MTMR14: variants seen among roughly 807,000 people sequenced by gnomAD.
MTMR14 encodes myotubularin related protein 14, also known as phosphatidylinositol-3,5-bisphosphate 3-phosphatase MTMR14.
MTMR14 carries 48 observed loss-of-function variants against 86.3 expected under a neutral mutation model. The ratio of observed to expected loss-of-function variants is 0.56; its 90% confidence interval spans 0.44 to 0.71. The LOEUF (loss-of-function observed/expected upper bound fraction) is 0.71, where lower values mean the gene tolerates loss of function less well. MTMR14 is among the 30% of genes least tolerant of loss of function. The pLI is 0.00. For synonymous variants in MTMR14, 366 were observed against 326.1 expected (o/e 1.12, Z -1.32); for missense variants, 780 against 834.6 (o/e 0.93, Z 0.81).
At chr3:9,670,184 C>G (rs2048491219) in intron 5 of MTMR14, among the ~76,000 whole-genome samples, 1 of 152,246 alleles carries the variant, frequency 6.6e-6, no homozygotes, top group Non-Finnish European at 1.5e-5. Context: ...CACACAAGCA[C>G]CCTAGTTAAG....
chr3:9,700,444 A>T (rs568200341), intron 18 of MTMR14: 3 of 152,304 alleles, frequency 2.0e-5, no homozygotes, highest in African/African-American at 7.2e-5. Context: ...CTCTTCTATT[A>T]AAGGCCCTTG....
Position 9,649,758 on chromosome 3 carries a change from C to T in MTMR14, c.159+16C>T. 1.2e-6 allele frequency: 2 copies of T among 1,612,828 alleles called. No homozygotes were observed. Among genetic ancestry groups the T allele is most frequent in the Non-Finnish European group, 1.7e-6 (2 of 1,179,638 alleles). On this transcript the variant is annotated intron_variant, in intron 1 of 18. Transcript: ENST00000296003. The stretch of plus-strand genomic sequence containing the variant: ...CGGCTCTAAGGTGAGATTGGAGGTG[C>T]GATGAGCTGGGGAAGGCTCCTAACT...
At position 9,685,257 on chromosome 3, in the gene MTMR14, C is replaced by T. The variant is rs1391787895; in HGVS notation, c.1164+10C>T. 6.2e-6 allele frequency: 10 copies of T among 1,613,792 alleles called. No individual in the cohort carries two copies. Among genetic ancestry groups the T allele is most frequent in the Non-Finnish European group, 8.5e-6 (10 of 1,179,964 alleles). On this transcript the variant is annotated intron_variant, in intron 13 of 18. Coordinates refer to ENST00000296003, the MANE Select transcript of MTMR14 (RefSeq NM_001077525.3). Reference sequence around the variant, plus strand: ...CAGCAAAGGGGAGGAGGTGAGTATACCACCTACGACTTGTGGGCACAGCTC... The same window carrying T: ...CAGCAAAGGGGAGGAGGTGAGTATATCACCTACGACTTGTGGGCACAGCTC...
rs2076456830 is a variant in MTMR14, at chr3:9,701,519, C to T, written c.1770-271C>T. 8.0e-6 allele frequency: 4 copies of T among 500,710 alleles called. No individual in the cohort carries two copies. Among genetic ancestry groups the T allele is most frequent in the Non-Finnish European group, 1.4e-5 (4 of 278,292 alleles). 31.0% of individuals were successfully genotyped at this position (500,710 alleles called of 1,614,324 possible). A position where few individuals can be genotyped will look rare whatever the true frequency, so the allele number is the denominator to read the frequency against. Reference sequence around the variant, plus strand: ...CCTGGGCAATAGAGTGAGACCTTGTCTCAAGAAAAAAAAAAAAAAGGTTAG... The same window carrying T: ...CCTGGGCAATAGAGTGAGACCTTGTTTCAAGAAAAAAAAAAAAAAGGTTAG... On this transcript the variant is annotated intron_variant, in intron 18 of 18. Transcript: ENST00000296003. This position sits in a 1 kb window ranked among gnomAD's most constrained non-coding sequence, Gnocchi z 4.2.
chr3:9,687,988 C>A, intron 14 of MTMR14, 97 bp downstream of exon 14: 1 of 1,053,886 alleles, frequency 9.5e-7, no homozygotes, highest in Non-Finnish European at 1.4e-6. Context: ...TCCCGCCCTG[C>A]CTCCCTGCTT....
intron 17 of MTMR14, among the ~76,000 whole-genome samples, chr3:9,695,058 G>A (rs529000237): frequency 2.0e-5 from 3 of 152,194 alleles, no homozygotes; most frequent in Non-Finnish European, 4.4e-5. Flanking sequence ...GAGAGCAGAG[G>A]GGGTGGAGCT....
chr3:9,649,802 AG>A (rs2047173599), intron 1 of MTMR14, 60 bp downstream of exon 1: 1 of 1,602,632 alleles, frequency 6.2e-7, no homozygotes, highest in Non-Finnish European at 8.5e-7. Flanking sequence ...TACAGAGGAA[AG>A]GCTGAGGCCA....
intron 17 of MTMR14, among the ~76,000 whole-genome samples, chr3:9,695,216 C>T (rs896792911): frequency 6.6e-6 from 1 of 152,202 alleles, no homozygotes; most frequent in Non-Finnish European, 1.5e-5. Context: ...ACATGATGCA[C>T]TGTAGGTGTC....
chr3:9,689,667 A>AG (rs900809017), intron 16 of MTMR14, among the ~76,000 whole-genome samples: 11 of 152,188 alleles, frequency 7.2e-5, no homozygotes, highest in Non-Finnish European at 1.6e-4. Flanking sequence ...CGTCTTTTAG[A>AG]GGGGGAAAAA....
intron 17 of MTMR14, among the ~76,000 whole-genome samples, chr3:9,693,332 G>T (rs1396552519): frequency 2.6e-5 from 4 of 152,354 alleles, no homozygotes; most frequent in African/African-American, 9.6e-5. Flanking sequence ...GCATATGGGA[G>T]GATGTGCATA....
chr3:9,655,548 C>T (rs188554676), intron 2 of MTMR14, among the ~76,000 whole-genome samples: 5,130 of 140,352 alleles, frequency 0.037, 338 homozygotes, highest in African/African-American at 0.13. Flanking sequence ...GCAACCTCTG[C>T]CTCCCGGGTT....
chr3:9,654,789 T>C (rs1225751821), intron 2 of MTMR14, among the ~76,000 whole-genome samples: 1 of 152,194 alleles, frequency 6.6e-6, no homozygotes, highest in Non-Finnish European at 1.5e-5. Context: ...AAGCTCATGC[T>C]CCAGAGCCAC....
chr3:9,687,690 GAACACCCACACAGTCCCAC>G, intron 13 of MTMR14, 112 bp from the exon 14 acceptor site: 1 of 746,786 alleles, frequency 1.3e-6, no homozygotes, highest in Non-Finnish European at 2.3e-6. Context: ...TTATGGACCA[GAACACCCACACAGTCCCAC>G]AGCAGGGCCG....
At chr3:9,675,089 C>T (rs1321492821) in intron 7 of MTMR14, among the ~76,000 whole-genome samples, 1 of 152,102 alleles carries the variant, frequency 6.6e-6, no homozygotes, top group African/African-American at 2.4e-5. Context: ...CCAGTCTGGG[C>T]AACAAGAGGG....
Position 9,677,276 on chromosome 3 carries a change from G to T in MTMR14, c.752-41G>T. On this transcript the variant is annotated intron_variant, in intron 7 of 18. Transcript: ENST00000296003. The surrounding 1 kb of genome is among the most constrained non-coding windows in gnomAD (Gnocchi z 4.2). ...CCAGGGCTGTCTCAGAAGACTTTGG[G>T]CTGGGAAGGGAGATGTCATAACTCT... 6.3e-7 allele frequency: 1 copy of T among 1,595,188 alleles called. No homozygotes were observed. The highest frequency in any genetic ancestry group is 1.7e-5 in the Admixed American group (1 of 59,946).
chr3:9,695,299 C>G (rs2076250997), intron 17 of MTMR14, among the ~76,000 whole-genome samples: 1 of 152,146 alleles, frequency 6.6e-6, no homozygotes, highest in Non-Finnish European at 1.5e-5. Flanking sequence ...GCTCTCAACC[C>G]CAGGAGCTGA....
rs2075994363 is a variant in MTMR14 at position 9,687,414 on chromosome 3, G to A, written c.1165-407G>A. 1.3e-5 allele frequency among the ~76,000 whole-genome samples: 2 copies of A among 152,114 alleles called. 1 individual carries two copies. Among genetic ancestry groups the A allele is most frequent in the Admixed American group, 1.3e-4 (2 of 15,272 alleles). ...AATAAAAATGCGAACAATGAGCTGG[G>A]CATGGTGGCGGGCACCTGTAGTCCC... On this transcript the variant is annotated intron_variant, in intron 13 of 18. Coordinates refer to ENST00000296003, the MANE Select transcript of MTMR14 (RefSeq NM_001077525.3).
intron 2 of MTMR14, among the ~76,000 whole-genome samples, chr3:9,658,883 T>C (rs543025017): frequency 6.6e-6 from 1 of 152,354 alleles, no homozygotes; most frequent in Non-Finnish European, 1.5e-5. Flanking sequence ...ATAACAGCAT[T>C]TTCTTCTGTA....
chr3:9,683,117 T>G, intron 9 of MTMR14, 61 bp from the exon 10 acceptor site: 1 of 1,523,290 alleles, frequency 6.6e-7, no homozygotes, highest in Non-Finnish European at 9.1e-7. Flanking sequence ...ATTTTATTTT[T>G]TAAATACTTT....
Sources: allele counts gnomAD v4.1 joint callset (sites outside exome capture counted in the v4.1 genomes callset), GRCh38; gene constraint gnomAD v4.1.1; non-coding constraint Gnocchi (gnomAD v3.1); transcripts MANE v1.5; gene names NCBI Gene and HGNC (gene_info 2026-07-23, HGNC 2026-07-21).